JAZF1: variants seen among roughly 807,000 people sequenced by gnomAD.
The protein encoded by JAZF1 is juxtaposed with another zinc finger protein 1.
JAZF1 carries 8 observed loss-of-function variants against 26.4 expected under a neutral mutation model. The observed-to-expected ratio is 0.30, with a 90% CI of 0.18 to 0.55. The LOEUF (loss-of-function observed/expected upper bound fraction) is 0.55. JAZF1 is among the 20% of genes least tolerant of loss of function. The pLI, the probability that JAZF1 is intolerant of heterozygous loss-of-function variation, is 0.94. For missense variants in JAZF1, 199 were observed against 322.0 expected (o/e 0.62, Z 2.92); for synonymous variants, 126 against 122.3 (o/e 1.03, Z -0.20).
chr7:27,934,469 A>G (rs1784732858), intron 2 of JAZF1, among the ~76,000 whole-genome samples: 1 of 5,368 alleles, frequency 1.9e-4, no homozygotes. Flanking sequence ...CCATACATAC[A>G]CACACACACA....
intron 3 of JAZF1, among the ~76,000 whole-genome samples, chr7:27,853,451 G>T (rs753345417): frequency 2.0e-5 from 3 of 152,100 alleles, no homozygotes; most frequent in Admixed American, 2.0e-4. Context: ...CTGAGTGAGC[G>T]TGTGGGTGGC....
chr7:27,884,198 C>T (rs947429622), intron 3 of JAZF1, among the ~76,000 whole-genome samples: 3 of 152,188 alleles, frequency 2.0e-5, no homozygotes, highest in African/African-American at 7.2e-5. Context: ...GTCACCCAAT[C>T]ACAGCTCACT....
rs575315101 is a variant in JAZF1, at chr7:28,115,746, C to G, written c.115+64717G>C. 3.3e-5 allele frequency among the ~76,000 whole-genome samples: 5 copies of G among 152,214 alleles called. No individual in the cohort carries two copies. The East Asian group carries it at 7.7e-4, about 23-fold the overall frequency. On this transcript the variant is annotated intron_variant, in intron 1 of 4. Transcript: ENST00000283928. ...TCTTCCTGCTCACCACATCCTTATC[C>G]ATGCTATCCCCCACCTACCCACTAA... is the stretch of plus-strand genomic sequence containing the variant.
intron 1 of JAZF1, among the ~76,000 whole-genome samples, chr7:28,078,076 T>C (rs1156321122): frequency 6.6e-6 from 1 of 152,214 alleles, no homozygotes; most frequent in Non-Finnish European, 1.5e-5. Context: ...CTTGAAAGTT[T>C]TCACAAGATG....
chr7:28,009,266 G>A (rs149372190), intron 1 of JAZF1, among the ~76,000 whole-genome samples: 17 of 151,914 alleles, frequency 1.1e-4, no homozygotes, highest in African/African-American at 3.9e-4. Context: ...TAGTTGCTGA[G>A]TATCTACAAC....
chr7:27,955,947 T>C (rs1191477638), intron 2 of JAZF1, among the ~76,000 whole-genome samples: 1 of 152,184 alleles, frequency 6.6e-6, no homozygotes, highest in Non-Finnish European at 1.5e-5. Flanking sequence ...ACAGACTCCT[T>C]CTTTGGAAGA....
At chr7:28,000,239 C>T (rs1053960121) in intron 1 of JAZF1, among the ~76,000 whole-genome samples, 1 of 152,106 alleles carries the variant, frequency 6.6e-6, no homozygotes, top group Admixed American at 6.5e-5. Context: ...CCCCCCGACC[C>T]CCCATCCACA....
intron 2 of JAZF1, among the ~76,000 whole-genome samples, chr7:27,917,971 A>G (rs751783298): frequency 2.6e-5 from 4 of 152,194 alleles, no homozygotes; most frequent in African/African-American, 9.6e-5. Context: ...ACATACGGGC[A>G]GATGACTTGA....
intron 2 of JAZF1, among the ~76,000 whole-genome samples, chr7:27,905,818 G>A (rs1158665884): frequency 4.6e-5 from 7 of 151,900 alleles, no homozygotes; most frequent in African/African-American, 7.3e-5. Context: ...CTTGAGAAAG[G>A]CTTTCTTGAG....
intron 3 of JAZF1, among the ~76,000 whole-genome samples, chr7:27,880,876 G>C (rs867739205): frequency 8.5e-5 from 13 of 152,124 alleles, no homozygotes; most frequent in Admixed American, 5.9e-4. Flanking sequence ...CTGTGTTACC[G>C]TGGCTGGTCC....
chr7:28,012,731 C>T (rs1782818518), intron 1 of JAZF1, among the ~76,000 whole-genome samples: 1 of 152,182 alleles, frequency 6.6e-6, no homozygotes, highest in Non-Finnish European at 1.5e-5. Context: ...TTGCAACCCA[C>T]CACTACTGAG....
At chr7:27,879,953 C>G (rs138825067) in intron 3 of JAZF1, among the ~76,000 whole-genome samples, 46 of 152,298 alleles carry the variant, frequency 3.0e-4, no homozygotes, top group Middle Eastern at 3.4e-3. Context: ...GTCCTGCCAT[C>G]TTTCCAAAAT....
chr7:27,907,120 A>G (rs1784271868), intron 2 of JAZF1, among the ~76,000 whole-genome samples: 1 of 152,202 alleles, frequency 6.6e-6, no homozygotes, highest in Non-Finnish European at 1.5e-5. Context: ...TGGGTGAAAA[A>G]ATCTAGGTTC....
chr7:27,895,207 C>G lies in JAZF1; in HGVS notation c.385+13G>C, dbSNP rs1784039883. ...TCTCCTCCTTCTCAAGGCGGTAGGG[C>G]CAGGCCACTCACCTGTCGGAGTGCT... On this transcript the variant is annotated intron_variant, in intron 3 of 4. Coordinates refer to ENST00000283928, the MANE Select transcript of JAZF1 (RefSeq NM_175061.4). 1.9e-6 allele frequency: 3 copies of G among 1,571,674 alleles called. No individual in the cohort carries two copies. The African/African-American group carries it at 4.1e-5, about 21-fold the overall frequency.
At chr7:28,161,947 C>G (rs985741484) in intron 1 of JAZF1, among the ~76,000 whole-genome samples, 1 of 152,076 alleles carries the variant, frequency 6.6e-6, no homozygotes, top group Non-Finnish European at 1.5e-5. Flanking sequence ...GCAGCCTTTC[C>G]GAGAGGGTCA....
intron 1 of JAZF1, among the ~76,000 whole-genome samples, chr7:28,167,746 T>G (rs1583595588): frequency 6.6e-6 from 1 of 152,164 alleles, no homozygotes; most frequent in African/African-American, 2.4e-5. Context: ...TTAATACACT[T>G]TTAGGATTAA....
chr7:27,940,512 G>A (rs1005697992), intron 2 of JAZF1, among the ~76,000 whole-genome samples: 1 of 152,290 alleles, frequency 6.6e-6, no homozygotes, highest in South Asian at 2.1e-4. Flanking sequence ...CACAGAGAAC[G>A]ACTACAGGCA....
chr7:27,960,995 G>C (rs1785176567), intron 2 of JAZF1, among the ~76,000 whole-genome samples: 1 of 152,178 alleles, frequency 6.6e-6, no homozygotes, highest in Non-Finnish European at 1.5e-5. Flanking sequence ...GAAGCAAATG[G>C]AGTCAATCAA....
At chr7:28,110,609 G>GAAAGGA (rs1362043619) in intron 1 of JAZF1, among the ~76,000 whole-genome samples, 3,926 of 43,438 alleles carry the variant, frequency 0.09, 450 homozygotes, top group Middle Eastern at 0.12. Context: ...AAAGGAAAAG[G>GAAAGGA]AAAGGAAAAG....
Sources: allele counts gnomAD v4.1 joint callset (sites outside exome capture counted in the v4.1 genomes callset), GRCh38; gene constraint gnomAD v4.1.1; transcripts MANE v1.5; gene names NCBI Gene and HGNC (gene_info 2026-07-23, HGNC 2026-07-21).